The following COL5A3 variants were observed in gnomAD, a reference collection of about 807,000 sequenced individuals.
COL5A3 encodes collagen type V alpha 3 chain.
Under a neutral mutation model 250.0 loss-of-function variants are expected in COL5A3, and 172 were observed. The observed-to-expected ratio is 0.69, with a 90% CI of 0.61 to 0.78. The LOEUF (loss-of-function observed/expected upper bound fraction) is 0.78. COL5A3 is among the 30% of genes least tolerant of loss of function. The pLI is 0.00. For synonymous variants in COL5A3, 937 were observed against 900.4 expected, an observed-to-expected ratio of 1.04 and a Z score of -0.73; for missense variants, 2,340 against 2,334.4, an observed-to-expected ratio of 1.00 and a Z score of -0.05.
intron 65 of COL5A3, 116 bp from the exon 66 acceptor site, chr19:9,961,006 C>G: frequency 7.6e-7 from 1 of 1,315,048 alleles, no homozygotes. Context: ...ATGTCACCAT[C>G]TCTGAGGAGG....
intron 27 of COL5A3, 25 bp from the exon 28 acceptor site, chr19:9,986,783 T>G: frequency 6.3e-7 from 1 of 1,598,936 alleles, no homozygotes; most frequent in South Asian, 1.1e-5. Context: ...AAAAAAGCTC[T>G]CAAGCCTCTT....
intron 64 of COL5A3, among the ~76,000 whole-genome samples, chr19:9,964,570 C>T (rs2145049104): frequency 6.6e-6 from 1 of 152,156 alleles, no homozygotes; most frequent in South Asian, 2.1e-4. Context: ...CACCACTGTG[C>T]TCTAGCCTGG....
At chr19:9,977,080 T>C in intron 44 of COL5A3, 149 bp downstream of exon 44, 1 of 756,722 alleles carries the variant, frequency 1.3e-6, no homozygotes. Context: ...CTCAAGTACC[T>C]TCTGTTGCAT....
At position 9,992,812 on chromosome 19, in the gene COL5A3, G is replaced by C; in HGVS notation, c.1848+15C>G. The C allele has an allele frequency of 1.2e-6, 2 of 1,612,778 alleles. No homozygotes were observed. The highest frequency in any genetic ancestry group is 1.7e-6 in the Non-Finnish European group (2 of 1,178,978). On this transcript the variant is annotated intron_variant, in intron 21 of 66. Coordinates refer to ENST00000264828, the MANE Select transcript of COL5A3 (RefSeq NM_015719.4). ...AAAAAGACAGACAGGGATGCAGAGA[G>C]CCAGTGACACTCACCGGGCGACCCG...
At chr19:9,986,491 C>G in intron 29 of COL5A3, 62 bp downstream of exon 29, 3 of 1,588,770 alleles carry the variant, frequency 1.9e-6, no homozygotes, top group Non-Finnish European at 2.6e-6. Context: ...CCCAGCTCAT[C>G]CCCTCCCTAT....
intron 27 of COL5A3, 49 bp from the exon 28 acceptor site, chr19:9,986,807 G>T (rs1439112678): frequency 6.2e-7 from 1 of 1,604,110 alleles, no homozygotes; most frequent in African/African-American, 1.3e-5. Context: ...TGCTTAAGAA[G>T]TGACCCAGAC....
intron 33 of COL5A3, 41 bp from the exon 34 acceptor site, chr19:9,980,900 G>A (rs755637297): frequency 8.9e-5 from 141 of 1,579,086 alleles, no homozygotes; most frequent in Non-Finnish European, 1.2e-4. Flanking sequence ...ATGAGGGGGT[G>A]GGGGAGCCTG....
chr19:9,997,009 C>G (rs1161700704), intron 11 of COL5A3: 1 of 515,728 alleles, frequency 1.9e-6, no homozygotes, highest in African/African-American at 2.0e-5. Context: ...GAAAGACAGA[C>G]AGAGATGGAG....
rs1265396333 is a variant in COL5A3, at chr19:9,966,717, G to T, written c.4488C>A (p.Arg1496=). The stretch of plus-strand genomic sequence containing the variant: ...GGACTGGGACGAAGCGCCGGCGCCT[G>T]CGCAGCCCATGCAGCTCGGCAGGGG... ...PGAPAELHGL[R]RRRRFVPVPL... is the part of the protein sequence containing the mutation. The change falls in exon 63 of 67, where the codon CGC becomes CGA. Residue 1496 remains arginine, a synonymous_variant. Transcript: ENST00000264828. 4 of 1,536,984 alleles carry T rather than the reference G, an allele frequency of 2.6e-6. No homozygotes were observed. The highest frequency in any genetic ancestry group is 3.5e-6 in the Non-Finnish European group (4 of 1,147,174).
chr19:9,961,826 G>C (rs1435725650), intron 65 of COL5A3, among the ~76,000 whole-genome samples: 2 of 152,082 alleles, frequency 1.3e-5, no homozygotes, highest in African/African-American at 4.8e-5. Flanking sequence ...CCAAAGTGCT[G>C]GGATTACAGG....
intron 2 of COL5A3, 29 bp downstream of exon 2, chr19:10,006,044 A>T: frequency 6.2e-7 from 1 of 1,611,698 alleles, no homozygotes; most frequent in African/African-American, 1.3e-5. Context: ...CCCTCCGGGG[A>T]GGTACCCAGG....
In COL5A3 at chr19:9,991,619, A is replaced by T; in HGVS notation, c.1983T>A (p.Pro661=). 6.2e-7 allele frequency: 1 copy of T among 1,601,308 alleles called. No individual in the cohort carries two copies. Among genetic ancestry groups the T allele is most frequent in the Non-Finnish European group, 8.5e-7 (1 of 1,173,620 alleles). Residue 661 remains proline, a synonymous_variant, in exon 24 of 67, where the codon CCT becomes CCA. Transcript: ENST00000264828. The part of the protein sequence containing the change: ...LPGPQGLIGT[P]GEKGPPGNPG... ...TGGAGCTGTCACTCACCTTCTCCCC[A>T]GGAGTGCCAATGAGTCCCTGGGGAC...
intron 53 of COL5A3, 127 bp downstream of exon 53, chr19:9,970,848 G>A: frequency 9.2e-7 from 1 of 1,081,188 alleles, no homozygotes. Flanking sequence ...TCCCCAGAGA[G>A]GTGAAGCGGG....
intron 65 of COL5A3, among the ~76,000 whole-genome samples, chr19:9,961,707 T>C (rs941344865): frequency 1.6e-4 from 24 of 152,018 alleles, no homozygotes; most frequent in East Asian, 5.8e-4. Flanking sequence ...TACGGGCGCC[T>C]GCCACCACGC....
Position 9,966,560 on chromosome 19 carries a change from G to A in COL5A3, c.4645C>T (p.Arg1549Cys). The A allele has an allele frequency of 6.5e-7, 1 of 1,543,232 alleles. No individual in the cohort carries two copies. The highest frequency in any genetic ancestry group is 8.7e-7 in the Non-Finnish European group (1 of 1,147,144). Residue 1549 changes from arginine to cysteine, a missense_variant, in exon 63 of 67, where the codon CGC (arginine) becomes TGC (cysteine). Transcript: ENST00000264828. ...RPGLVCHELHRNHPHLPDGEY... is the reference protein window; with the variant it reads ...RPGLVCHELHCNHPHLPDGEY... ...CCATCAGGCAGGTGCGGGTGGTTGC[G>A]GTGCAGCTCGTGGCACACGAGGCCC...
Position 9,978,893 on chromosome 19 carries a change from G to A in COL5A3, c.2962C>T (p.Pro988Ser). The change falls in exon 40 of 67, where the codon CCG becomes TCG. Residue 988 changes from proline to serine, a missense_variant and splice_region_variant. Pro to Ser is a moderately conservative substitution (Grantham distance 74). Around this residue, in one of 3 missense-constraint regions of COL5A3, gnomAD observed 1,179 missense variants for 1,162.6 expected, o/e 1.01. Transcript: ENST00000264828. ...FPGPKGGPGD[P>S]GPTGLKGDKG... Reference sequence around the variant, plus strand: ...GGAGGGTCTCCAAAGATACTCACCGGGTCCCCAGGGCCCCCTTTGGGGCCG... The same window carrying A: ...GGAGGGTCTCCAAAGATACTCACCGAGTCCCCAGGGCCCCCTTTGGGGCCG... The A allele has an allele frequency of 6.8e-7, 1 of 1,466,682 alleles. No homozygotes were observed. Among genetic ancestry groups the A allele is most frequent in the South Asian group, 1.6e-5 (1 of 64,472 alleles). The allele number at this position is 1,466,682 out of a possible 1,614,324, so 90.9% of individuals were successfully genotyped here.
intron 50 of COL5A3, 148 bp from the exon 51 acceptor site, chr19:9,973,174 G>T: frequency 1.5e-6 from 1 of 675,210 alleles, no homozygotes; most frequent in Non-Finnish European, 2.5e-6. Context: ...TCAAAGGTCA[G>T]AAGGAGCTAG....
intron 4 of COL5A3, among the ~76,000 whole-genome samples, chr19:10,005,262 A>C (rs2087425024): frequency 6.6e-6 from 1 of 151,926 alleles, no homozygotes; most frequent in South Asian, 2.1e-4. Context: ...GAGGCTGAGA[A>C]TCGCTTGAAC....
At chr19:10,005,415 C>T (rs1023797617) in intron 4 of COL5A3, 143 bp downstream of exon 4, 15 of 799,766 alleles carry the variant, frequency 1.9e-5, no homozygotes, top group Middle Eastern at 2.3e-4. Flanking sequence ...CAACGGTGCA[C>T]GAAAGCATGA....
Sources: gnomAD v4.1 joint callset for allele counts (sites outside exome capture counted in the v4.1 genomes callset) on GRCh38, gnomAD v4.1.1 for gene constraint, gnomAD v4.1.1 regional missense constraint, MANE v1.5 for transcripts, NCBI Gene and HGNC (gene_info 2026-07-23, HGNC 2026-07-21) for gene names.